The following GSE1 variants were observed in gnomAD, a reference collection of about 807,000 sequenced individuals.
The protein encoded by GSE1 is Gse1 coiled-coil protein.
A neutral mutation model predicts 112.6 loss-of-function variants in GSE1; 32 were observed. The observed-to-expected ratio is 0.28, with a 90% confidence interval of 0.21 to 0.38. The LOEUF (loss-of-function observed/expected upper bound fraction) is 0.38, where lower values mean the gene tolerates loss of function less well. GSE1 is among the 10% of genes least tolerant of loss of function. The probability of loss-of-function intolerance (pLI) is 1.00; values close to 1 mark genes in which losing one functional copy is unlikely to be tolerated. For synonymous variants in GSE1, 1,115 were observed against 735.6 expected, an observed-to-expected ratio of 1.52 and a Z score of -8.35; for missense variants, 2,348 against 1,699.2, an observed-to-expected ratio of 1.38 and a Z score of -6.71.
intron 1 of GSE1, among the ~76,000 whole-genome samples, chr16:85,568,317 G>T (rs1235543814): frequency 6.6e-6 from 1 of 152,186 alleles, no homozygotes; most frequent in Non-Finnish European, 1.5e-5. Context: ...TCCGGGGTGG[G>T]CCTCCACAGT....
chr16:85,485,883 C>G (rs1196587596), intron 2 of GSE1, among the ~76,000 whole-genome samples: 1 of 152,220 alleles, frequency 6.6e-6, no homozygotes, highest in African/African-American at 2.4e-5. Flanking sequence ...CACCGATGTT[C>G]TTCCCCCAAA....
chr16:85,433,614 G>A (rs950471027), intron 2 of GSE1, among the ~76,000 whole-genome samples: 1 of 119,646 alleles, frequency 8.4e-6, no homozygotes, highest in Non-Finnish European at 1.7e-5. Flanking sequence ...ATGGATGGAT[G>A]GATGGATGGA....
chr16:85,225,905 G>A (rs2075477283), intron 1 of GSE1, among the ~76,000 whole-genome samples: 1 of 152,236 alleles, frequency 6.6e-6, no homozygotes, highest in African/African-American at 2.4e-5. Context: ...AACTGGGGCT[G>A]TGGTCTCATC....
At position 85,545,949 on chromosome 16, in the gene GSE1, A is replaced by G. The variant is rs141683186; in HGVS notation, c.2465-87965A>G. The stretch of plus-strand genomic sequence containing the variant: ...AGGCGCCCGCCACCACACTCGGCTA[A>G]TTGTTTTTTGTATTTTTAGTAGAGA... On this transcript the variant is annotated intron_variant, in intron 2 of 2. Coordinates refer to the GSE1 transcript ENST00000637419. Among the ~76,000 whole-genome samples, 774 of 151,278 alleles carry G rather than the reference A, an allele frequency of 5.1e-3. 5 individuals are homozygous for G. Among genetic ancestry groups the G allele is most frequent in the African/African-American group, 0.017 (682 of 41,104 alleles).
At chr16:85,235,427 A>ATTGTGTGTGTGT (rs574126768) in intron 1 of GSE1, among the ~76,000 whole-genome samples, 124 of 65,002 alleles carry the variant, frequency 1.9e-3, no homozygotes, top group Non-Finnish European at 3.3e-3. Context: ...ATGGAAGGGT[A>ATTGTGTGTGTGT]CTGTGTGTGT....
At chr16:85,432,271 C>T (rs942280896) in intron 2 of GSE1, among the ~76,000 whole-genome samples, 1 of 152,262 alleles carries the variant, frequency 6.6e-6, no homozygotes, top group Non-Finnish European at 1.5e-5. Flanking sequence ...GGTCTGTACA[C>T]AGCCATCCCT....
intron 1 of GSE1, among the ~76,000 whole-genome samples, chr16:85,579,550 C>T (rs1451526915): frequency 6.6e-6 from 1 of 152,200 alleles, no homozygotes; most frequent in Non-Finnish European, 1.5e-5. Flanking sequence ...CAGAGGGACG[C>T]GTCCTGGAGA....
At chr16:85,515,527 G>C (rs528551989) in intron 2 of GSE1, among the ~76,000 whole-genome samples, 1 of 152,262 alleles carries the variant, frequency 6.6e-6, no homozygotes, top group African/African-American at 2.4e-5. Flanking sequence ...CAGAAAGAAG[G>C]GCCAGAGGCT....
intron 2 of GSE1, among the ~76,000 whole-genome samples, chr16:85,489,101 T>A (rs554741817): frequency 8.5e-5 from 13 of 152,296 alleles, no homozygotes; most frequent in African/African-American, 2.2e-4. Context: ...TCCCGTGTGC[T>A]ACCAATGAGC....
chr16:85,404,632 CT>C (rs1366393874), intron 2 of GSE1, among the ~76,000 whole-genome samples: 10 of 59,674 alleles, frequency 1.7e-4, no homozygotes, highest in Non-Finnish European at 2.2e-4. Flanking sequence ...CAGGGCCCCC[CT>C]GGATAATCCT....
chr16:85,229,918 G>A (rs2075552852), intron 1 of GSE1, among the ~76,000 whole-genome samples: 1 of 152,204 alleles, frequency 6.6e-6, no homozygotes, highest in African/African-American at 2.4e-5. Flanking sequence ...TTTCTCTTTA[G>A]GGGAAGAAAG....
At chr16:85,171,265 C>T (rs1021487246) in exon 1 of GSE1, 7 of 985,620 alleles carry the variant, frequency 7.1e-6, no homozygotes, top group Non-Finnish European at 8.4e-6. Context: ...CCTCTCCGAG[C>T]TGCCGGCGTC....
intron 2 of GSE1, among the ~76,000 whole-genome samples, chr16:85,512,769 G>T (rs1046507995): frequency 1.3e-5 from 2 of 152,124 alleles, no homozygotes; most frequent in African/African-American, 4.8e-5. Context: ...ATTAGCCAGT[G>T]ATGTTGGTGG....
At chr16:85,658,995 G>A (rs185704365) in intron 8 of GSE1, among the ~76,000 whole-genome samples, 118 of 152,338 alleles carry the variant, frequency 7.7e-4, no homozygotes, top group Non-Finnish European at 1.3e-3. Flanking sequence ...GTGAACTTGG[G>A]GGCCTGACAG....
At chr16:85,284,626 C>A (rs556283044) in intron 1 of GSE1, among the ~76,000 whole-genome samples, 1 of 152,184 alleles carries the variant, frequency 6.6e-6, no homozygotes, top group South Asian at 2.1e-4. Context: ...GTGGTGAGAA[C>A]CTGCTAACTG....
chr16:85,560,357 G>T (rs1030314490), intron 1 of GSE1, among the ~76,000 whole-genome samples: 1 of 151,964 alleles, frequency 6.6e-6, no homozygotes, highest in African/African-American at 2.4e-5. Flanking sequence ...GGATGGTCTC[G>T]ATCTCTTGAC....
chr16:85,309,592 C>T (rs958847811), intron 1 of GSE1, among the ~76,000 whole-genome samples: 3 of 152,244 alleles, frequency 2.0e-5, no homozygotes, highest in African/African-American at 4.8e-5. Context: ...ATAGCGTCCT[C>T]GAGGCACGTG....
At chr16:85,534,215 A>G (rs908655224) in intron 2 of GSE1, among the ~76,000 whole-genome samples, 3 of 149,822 alleles carry the variant, frequency 2.0e-5, no homozygotes, top group African/African-American at 7.4e-5. Context: ...TCCACCTCCC[A>G]GGCTCAAGCA....
At chr16:85,520,878 A>G (rs1284273450) in intron 2 of GSE1, among the ~76,000 whole-genome samples, 4 of 152,182 alleles carry the variant, frequency 2.6e-5, no homozygotes, top group African/African-American at 7.2e-5. Context: ...CGTCCTAAGT[A>G]CAGGACCAAG....
Sources: allele counts gnomAD v4.1 joint callset (sites outside exome capture counted in the v4.1 genomes callset), GRCh38; gene constraint gnomAD v4.1.1; transcripts MANE v1.5; gene names NCBI Gene and HGNC (gene_info 2026-07-23, HGNC 2026-07-21).